The following GNB4 variants were observed in gnomAD, a reference collection of about 807,000 sequenced individuals.
The protein encoded by GNB4 is guanine nucleotide-binding protein subunit beta-4.
A neutral mutation model predicts 45.2 loss-of-function variants in GNB4; 28 were observed. That is an observed-to-expected ratio of 0.62 (90% confidence interval 0.46 to 0.85). The LOEUF (loss-of-function observed/expected upper bound fraction) is 0.85. GNB4 is among the 40% of genes least tolerant of loss of function. The probability of loss-of-function intolerance (pLI) is 0.00; values close to 1 mark genes in which losing one functional copy is unlikely to be tolerated. For missense variants in GNB4, 321 were observed against 425.4 expected (o/e 0.75, Z 2.16); for synonymous variants, 132 against 143.7 (o/e 0.92, Z 0.58).
chr3:179,401,101 T>C lies in GNB4; in HGVS notation c.*112A>G. 1 of 618,340 alleles carries C rather than the reference T, an allele frequency of 1.6e-6. No individual in the cohort carries two copies. The highest frequency in any genetic ancestry group is 2.5e-6 in the Non-Finnish European group (1 of 400,314). 38.3% of individuals were successfully genotyped at this position (618,340 alleles called of 1,614,324 possible). A position where few individuals can be genotyped will look rare whatever the true frequency, so the allele number is the denominator to read the frequency against. ...ACTGAAAGCTTGTTTTTGTAGATAA[T>C]CTAATAGAAAAATCTTCACCTGCAA... On this transcript the variant is annotated 3_prime_UTR_variant, in exon 10 of 10. Transcript: ENST00000232564.
At chr3:179,482,178 G>T in the GNB4 span, among the ~76,000 whole-genome samples, 1 of 152,162 alleles carries the variant, frequency 6.6e-6, no homozygotes, top group East Asian at 1.9e-4. Flanking sequence ...TTACAGGCGT[G>T]AACCACCACA....
chr3:179,398,360 C>T lies in GNB4; in HGVS notation c.*2853G>A, dbSNP rs1447417314. ...TGAAACCCCATCTCTACTAAAAATACAAAAATTAGCCGGGCATGGTGGCAC... is the reference window on the plus strand; with the variant it reads ...TGAAACCCCATCTCTACTAAAAATATAAAAATTAGCCGGGCATGGTGGCAC... On this transcript the variant is annotated 3_prime_UTR_variant, in exon 10 of 10. Coordinates refer to ENST00000232564, the MANE Select transcript of GNB4 (RefSeq NM_021629.4). 1 of 151,624 alleles carries T rather than the reference C, an allele frequency of 6.6e-6. No individual in the cohort carries two copies. The highest frequency in any genetic ancestry group is 1.5e-5 in the Non-Finnish European group (1 of 67,884). The allele number at this position is 151,624 out of a possible 1,614,324, so 9.4% of individuals were successfully genotyped here.
At chr3:179,459,420 C>T in the GNB4 span, among the ~76,000 whole-genome samples, 2 of 152,110 alleles carry the variant, frequency 1.3e-5, no homozygotes, top group African/African-American at 4.8e-5. Context: ...CAGTGCCTCA[C>T]GCCTGTAATC....
At chr3:179,475,259 A>C in the GNB4 span, among the ~76,000 whole-genome samples, 2 of 151,872 alleles carry the variant, frequency 1.3e-5, no homozygotes, top group Non-Finnish European at 2.9e-5. Flanking sequence ...CTGGGACTAC[A>C]TGCACGTGCC....
rs907050646 is a variant in GNB4 at position 179,399,422 on chromosome 3, C to G, written c.*1791G>C. The G allele has an allele frequency of 6.6e-6, 1 of 152,136 alleles. No individual in the cohort carries two copies. Among genetic ancestry groups the G allele is most frequent in the East Asian group, 1.9e-4 (1 of 5,192 alleles). 9.4% of individuals were successfully genotyped at this position (152,136 alleles called of 1,614,324 possible). A position where few individuals can be genotyped will look rare whatever the true frequency, so the allele number is the denominator to read the frequency against. ...TTCACCATGTTGGGTAGGCTGGTCGCGAACTCCTGACCTCAAGTGATCTGC... is the reference window on the plus strand; with the variant it reads ...TTCACCATGTTGGGTAGGCTGGTCGGGAACTCCTGACCTCAAGTGATCTGC... On this transcript the variant is annotated 3_prime_UTR_variant, in exon 10 of 10. Transcript: ENST00000232564.
upstream of GNB4, among the ~76,000 whole-genome samples, chr3:179,456,181 A>C (rs73172225): frequency 6.8e-6 from 1 of 147,458 alleles, no homozygotes; most frequent in Non-Finnish European, 1.5e-5. Flanking sequence ...GCGCAATCTC[A>C]GCTCATTGCA....
At chr3:179,418,306 C>G (rs1473577115) in intron 4 of GNB4, among the ~76,000 whole-genome samples, 1 of 151,620 alleles carries the variant, frequency 6.6e-6, no homozygotes, top group Non-Finnish European at 1.5e-5. Flanking sequence ...CCCCTCTCTA[C>G]TAAAAATACA....
intron 1 of GNB4, among the ~76,000 whole-genome samples, chr3:179,426,956 C>T (rs1715163367): frequency 6.6e-6 from 1 of 152,018 alleles, no homozygotes; most frequent in Non-Finnish European, 1.5e-5. Context: ...TCTATCTTGA[C>T]CCACAGACCC....
the GNB4 span, among the ~76,000 whole-genome samples, chr3:179,484,199 G>A: frequency 6.6e-6 from 1 of 152,190 alleles, no homozygotes; most frequent in African/African-American, 2.4e-5. Context: ...AACCAGTTCA[G>A]AGTAGTTGAG....
At chr3:179,465,446 T>TA in the GNB4 span, 1 of 371,050 alleles carries the variant, frequency 2.7e-6, no homozygotes, top group Non-Finnish European at 4.9e-6. Context: ...CTACTAAAAA[T>TA]ACAAAAAAAA....
intron 1 of GNB4, among the ~76,000 whole-genome samples, chr3:179,433,615 G>A (rs1315697906): frequency 6.8e-6 from 1 of 146,206 alleles, no homozygotes; most frequent in Non-Finnish European, 1.5e-5. Flanking sequence ...GTCTCTAACG[G>A]TGGAAAAAAA....
At chr3:179,497,403 A>G in the GNB4 span, among the ~76,000 whole-genome samples, 1 of 152,210 alleles carries the variant, frequency 6.6e-6, no homozygotes, top group Non-Finnish European at 1.5e-5. Flanking sequence ...AAAATCATAC[A>G]TGAAAACATA....
intron 8 of GNB4, 34 bp downstream of exon 8, chr3:179,413,378 T>C (rs1288386878): frequency 6.5e-7 from 1 of 1,540,358 alleles, no homozygotes; most frequent in South Asian, 1.1e-5. Flanking sequence ...TTTAAATGCA[T>C]AATAAATTTT....
intron 1 of GNB4, among the ~76,000 whole-genome samples, chr3:179,440,574 C>T (rs1715568951): frequency 6.6e-6 from 1 of 151,626 alleles, no homozygotes; most frequent in African/African-American, 2.4e-5. Flanking sequence ...TGTCATCAGT[C>T]GATATAGGCA....
the GNB4 span, among the ~76,000 whole-genome samples, chr3:179,507,162 C>G: frequency 2.6e-4 from 39 of 152,320 alleles, no homozygotes; most frequent in African/African-American, 9.1e-4. Context: ...TCCCTTTATC[C>G]TTTCTGCCAC....
intron 1 of GNB4, among the ~76,000 whole-genome samples, chr3:179,430,683 C>A (rs1055311300): frequency 6.6e-6 from 1 of 150,828 alleles, no homozygotes; most frequent in African/African-American, 2.4e-5. Flanking sequence ...TCTTGACCTC[C>A]TGGCCTCAAC....
chr3:179,502,347 C>A, the GNB4 span, among the ~76,000 whole-genome samples: 1 of 150,762 alleles, frequency 6.6e-6, no homozygotes, highest in South Asian at 2.1e-4. Context: ...GATTCTCCTG[C>A]CTCAGCCTCC....
intron 8 of GNB4, among the ~76,000 whole-genome samples, chr3:179,408,126 A>C (rs1397628836): frequency 2.6e-5 from 4 of 152,224 alleles, no homozygotes; most frequent in Admixed American, 6.5e-5. Context: ...AACAAGGTAA[A>C]ATTCACAATG....
At chr3:179,471,296 A>G in the GNB4 span, among the ~76,000 whole-genome samples, 1 of 152,194 alleles carries the variant, frequency 6.6e-6, no homozygotes, top group Non-Finnish European at 1.5e-5. Flanking sequence ...GTAGTAGTGC[A>G]CAGTAATGTC....
Sources: allele counts gnomAD v4.1 joint callset (sites outside exome capture counted in the v4.1 genomes callset), GRCh38; gene constraint gnomAD v4.1.1; transcripts MANE v1.5; gene names NCBI Gene and HGNC (gene_info 2026-07-23, HGNC 2026-07-21).